RAPH1: variants seen among roughly 807,000 people sequenced by gnomAD.
The protein encoded by RAPH1 is ras-associated and pleckstrin homology domains-containing protein 1.
RAPH1 carries 18 observed loss-of-function variants against 88.1 expected under a neutral mutation model. That is an observed-to-expected ratio of 0.20 (90% CI 0.14 to 0.30). RAPH1 has a LOEUF of 0.30. RAPH1 is among the 10% of genes least tolerant of loss of function. RAPH1 has a pLI of 1.00. For synonymous variants in RAPH1, 587 were observed against 559.0 expected (o/e 1.05, Z -0.71); for missense variants, 1,448 against 1,543.2 (o/e 0.94, Z 1.03).
rs140577321 is a variant in RAPH1, at chr2:203,499,337, T to C, written c.1-3984A>G. Among the ~76,000 whole-genome samples, 32 of 152,174 alleles carry C rather than the reference T, an allele frequency of 2.1e-4. No individual in the cohort carries two copies. In the East Asian group the frequency reaches 5.6e-3, roughly 27 times the overall value. On this transcript the variant is annotated intron_variant, in intron 1 of 13. Transcript: ENST00000319170. Reference sequence around the variant, plus strand: ...ATAAAATTAACAGAAATTTTGAAAGTATCTATTGAACGTTAACTACTTAAG... The same window carrying C: ...ATAAAATTAACAGAAATTTTGAAAGCATCTATTGAACGTTAACTACTTAAG...
chr2:203,460,049 C>T (rs1440933661), intron 6 of RAPH1, 21 bp from the exon 7 acceptor site: 8 of 1,590,122 alleles, frequency 5.0e-6, no homozygotes, highest in East Asian at 4.5e-5. Flanking sequence ...ATAAAATATC[C>T]GTATTTTGTT....
intron 1 of RAPH1, among the ~76,000 whole-genome samples, chr2:203,516,842 G>C (rs1689632825): frequency 6.6e-6 from 1 of 152,098 alleles, no homozygotes; most frequent in Non-Finnish European, 1.5e-5. Flanking sequence ...GACCATCCTG[G>C]CTAACACGGT....
intron 4 of RAPH1, among the ~76,000 whole-genome samples, chr2:203,487,877 G>C (rs1265374442): frequency 6.6e-6 from 1 of 152,006 alleles, no homozygotes; most frequent in Non-Finnish European, 1.5e-5. Flanking sequence ...GCACATGGGT[G>C]GGTACCAAGA....
chr2:203,495,405 G>T, intron 1 of RAPH1, 52 bp from the exon 2 acceptor site: 1 of 1,585,734 alleles, frequency 6.3e-7, no homozygotes, highest in Non-Finnish European at 8.6e-7. Flanking sequence ...GGTTTAACTT[G>T]AAAAATTATG....
rs150834047 is a variant in RAPH1, at chr2:203,475,271, G to A, written c.733-13346C>T. Among the ~76,000 whole-genome samples the A allele has an allele frequency of 5.6e-3, 860 of 152,234 alleles. 11 individuals carry two copies. The highest frequency in any genetic ancestry group is 0.019 in the African/African-American group (807 of 41,538). On this transcript the variant is annotated intron_variant, in intron 4 of 13. Coordinates refer to ENST00000319170, the MANE Select transcript of RAPH1 (RefSeq NM_213589.3). ...AAATACAAAAAATTAGCTGGGCGAG[G>A]TGGCGGGTGCCTGTAGTCTCACCTA...
chr2:203,491,237 C>T lies in RAPH1; in HGVS notation c.203G>A (p.Arg68His), dbSNP rs1400668908. ...QETNMANFSYRFSIYNLNEAL... is the reference protein window; with the variant it reads ...QETNMANFSYHFSIYNLNEAL... ...ACCATTCAAGTTGTATATGGAGAAGCGGTAAGAAAAGTTGGCCATGTTTGT... is the reference window on the plus strand; with the variant it reads ...ACCATTCAAGTTGTATATGGAGAAGTGGTAAGAAAAGTTGGCCATGTTTGT... Residue 68 changes from arginine (R) to histidine (H), a missense_variant, in exon 3 of 14, where the codon CGC (arginine) becomes CAC (histidine). Arg to His is a conservative substitution (Grantham distance 29). Transcript: ENST00000319170. 18 of 1,610,896 alleles carry T rather than the reference C, an allele frequency of 1.1e-5. No homozygotes were observed. The highest frequency in any genetic ancestry group is 1.4e-5 in the Non-Finnish European group (17 of 1,177,720).
At chr2:203,447,808 A>G (rs2098511305) in intron 12 of RAPH1, 151 bp downstream of exon 12, 6 of 705,454 alleles carry the variant, frequency 8.5e-6, no homozygotes, top group Non-Finnish European at 1.4e-5. Flanking sequence ...CCCTCTAGCA[A>G]TTTTTAAAAA....
At chr2:203,508,531 C>T (rs1227786259) in intron 1 of RAPH1, among the ~76,000 whole-genome samples, 1 of 152,168 alleles carries the variant, frequency 6.6e-6, no homozygotes, top group Non-Finnish European at 1.5e-5. Context: ...TCCACCTATA[C>T]CCAAATCATG....
chr2:203,435,617 T>G lies in RAPH1; in HGVS notation c.*3820A>C, dbSNP rs946687347. The G allele has an allele frequency of 1.3e-5, 2 of 152,190 alleles. No individual in the cohort carries two copies. The highest frequency in any genetic ancestry group is 4.8e-5 in the African/African-American group (2 of 41,452). 9.4% of individuals were successfully genotyped at this position (152,190 alleles called of 1,614,324 possible). The stretch of plus-strand genomic sequence containing the variant: ...CAAGTGTATGACCCAATTATACCTA[T>G]TTTATGAAAAGCAAGGCATCACATT... On this transcript the variant is annotated 3_prime_UTR_variant, in exon 14 of 14. Transcript: ENST00000319170.
rs1194992717 is a variant in RAPH1 at position 203,480,464 on chromosome 2, C to T, written c.732+9120G>A. 2.6e-5 allele frequency among the ~76,000 whole-genome samples: 4 copies of T among 152,232 alleles called. No individual in the cohort carries two copies. In the East Asian group the frequency reaches 5.8e-4, roughly 22 times the overall value. ...TAGGGAGGCTGAGACACGAGAATTGCGTGAACCCAGGAGGTGGAGGCTGCA... is the reference window on the plus strand; with the variant it reads ...TAGGGAGGCTGAGACACGAGAATTGTGTGAACCCAGGAGGTGGAGGCTGCA... On this transcript the variant is annotated intron_variant, in intron 4 of 13. Coordinates refer to ENST00000319170, the MANE Select transcript of RAPH1 (RefSeq NM_213589.3).
intron 2 of RAPH1, among the ~76,000 whole-genome samples, chr2:203,492,380 C>T (rs145871562): frequency 4.7e-4 from 72 of 152,086 alleles, no homozygotes; most frequent in African/African-American, 1.7e-3. Context: ...TTATTAAGAC[C>T]CAAGACTCAC....
intron 1 of RAPH1, among the ~76,000 whole-genome samples, chr2:203,515,211 CCT>C (rs1262389109): frequency 2.0e-5 from 3 of 152,060 alleles, no homozygotes; most frequent in Admixed American, 6.6e-5. Context: ...TTTGTGTTAA[CCT>C]CTCAATAAAA....
chr2:203,460,318 C>A (rs1020986465), intron 6 of RAPH1, among the ~76,000 whole-genome samples: 1 of 152,188 alleles, frequency 6.6e-6, no homozygotes, highest in Non-Finnish European at 1.5e-5. Context: ...CCATCCCACC[C>A]TTAAAAATAA....
intron 13 of RAPH1, 88 bp from the exon 14 acceptor site, chr2:203,441,501 A>C: frequency 7.0e-7 from 1 of 1,434,124 alleles, no homozygotes; most frequent in Non-Finnish European, 9.1e-7. Flanking sequence ...TGTAAAACTA[A>C]AAAGCAGGGA....
chr2:203,450,875 A>G (rs902666038), intron 10 of RAPH1, among the ~76,000 whole-genome samples: 2 of 151,028 alleles, frequency 1.3e-5, no homozygotes, highest in Admixed American at 6.6e-5. Flanking sequence ...GTGTGCTTCC[A>G]TGCGTTCTGC....
intron 10 of RAPH1, among the ~76,000 whole-genome samples, chr2:203,450,292 A>G (rs183167019): frequency 1.2e-4 from 19 of 152,322 alleles, no homozygotes; most frequent in South Asian, 1.0e-3. Context: ...CTCAGCTCCT[A>G]TAACATTTAA....
chr2:203,449,995 C>G (rs79529843), intron 10 of RAPH1, among the ~76,000 whole-genome samples: 3,714 of 150,594 alleles, frequency 0.025, 173 homozygotes, highest in African/African-American at 0.086. Flanking sequence ...CGCACTCCAG[C>G]CTGGGTAACA....
intron 1 of RAPH1, among the ~76,000 whole-genome samples, chr2:203,517,220 T>C (rs1689653723): frequency 6.6e-6 from 1 of 151,596 alleles, no homozygotes; most frequent in Non-Finnish European, 1.5e-5. Context: ...CTAACTTAAT[T>C]TCACAGTGGA....
rs149918454 is a variant in RAPH1, at chr2:203,528,119, A to G, written c.-1+6992T>C. Among the ~76,000 whole-genome samples the G allele has an allele frequency of 3.9e-5, 6 of 152,280 alleles. No homozygotes were observed. The East Asian group carries it at 9.6e-4, about 24-fold the overall frequency. On this transcript the variant is annotated intron_variant, in intron 1 of 13. Transcript: ENST00000319170. ...AAGAGTAGAGTTCTAAATTTGCTGA[A>G]TTTCTGTTGTAAGTGGCTGTGCTGT...
Sources: allele counts gnomAD v4.1 joint callset (sites outside exome capture counted in the v4.1 genomes callset), GRCh38; gene constraint gnomAD v4.1.1; transcripts MANE v1.5; gene names NCBI Gene and HGNC (gene_info 2026-07-23, HGNC 2026-07-21).